The following ASB2 variants were observed in gnomAD, a reference collection of about 807,000 sequenced individuals.
ASB2 encodes the protein ankyrin repeat and SOCS box containing 2, also known as ankyrin repeat and SOCS box protein 2.
In ASB2, 58 loss-of-function variants were observed where a neutral mutation model predicts 62.4. The ratio of observed to expected loss-of-function variants is 0.93; its 90% CI spans 0.75 to 1.16. The LOEUF is 1.16. Among genes scored for constraint, ASB2 ranks in the 50% most tolerant of loss-of-function variants. The pLI is 0.00. For missense variants in ASB2, 928 were observed against 887.9 expected, an observed-to-expected ratio of 1.05 and a Z score of -0.57; for synonymous variants, 386 against 385.3, an observed-to-expected ratio of 1.00 and a Z score of -0.02.
intron 8 of ASB2, among the ~76,000 whole-genome samples, chr14:93,938,081 T>C (rs1888338791): frequency 6.6e-6 from 1 of 152,104 alleles, no homozygotes; most frequent in Non-Finnish European, 1.5e-5. Flanking sequence ...AAAATAGGTA[T>C]ATGAAACCAA....
chr14:93,941,951 G>T (rs1048199561), intron 7 of ASB2, among the ~76,000 whole-genome samples: 1 of 152,246 alleles, frequency 6.6e-6, no homozygotes, highest in Admixed American at 6.5e-5. Flanking sequence ...CTGAAGCCCA[G>T]GCTTGGGGTG....
At chr14:93,972,377 C>T (rs1889781515) in intron 1 of ASB2, among the ~76,000 whole-genome samples, 1 of 152,164 alleles carries the variant, frequency 6.6e-6, no homozygotes. Context: ...GTTCTCTTCC[C>T]TTCCCGGGTC....
intron 2 of ASB2, chr14:93,957,456 G>A (rs756902599): frequency 2.4e-4 from 225 of 939,266 alleles, no homozygotes; most frequent in Non-Finnish European, 2.7e-4. Context: ...GAGGAAGGGC[G>A]TCGGAACCAG....
chr14:93,957,079 G>A, intron 2 of ASB2: 1 of 1,444,690 alleles, frequency 6.9e-7, no homozygotes, highest in Non-Finnish European at 9.1e-7. Context: ...CTTGGAGGAA[G>A]CCCTGGGAGA....
At chr14:93,944,856 G>T (rs796743464) in intron 7 of ASB2, among the ~76,000 whole-genome samples, 2 of 152,180 alleles carry the variant, frequency 1.3e-5, no homozygotes, top group South Asian at 4.1e-4. Flanking sequence ...CTGATCATCC[G>T]CAAGGCCACC....
intron 6 of ASB2, 139 bp from the exon 7 acceptor site, chr14:93,947,659 G>A (rs1324299086): frequency 8.6e-6 from 7 of 810,286 alleles, no homozygotes; most frequent in Middle Eastern, 3.2e-4. Flanking sequence ...TAGGAAGGAG[G>A]AGTCTACCTG....
In ASB2 at chr14:93,939,626, G is replaced by A. The variant is rs868305227; in HGVS notation, c.1099C>T (p.Arg367Cys). ...LPVTSRTRIR[R>C]SGVSPLHLAA... ...AGGTGCAGCGGACTGACGCCGCTAC[G>A]GCGTATGCGCGTGCGGCTGGTCACC... The change falls in exon 8 of 10, where the codon CGT (arginine) becomes TGT (cysteine). Residue 367 changes from arginine (R) to cysteine (C), a missense_variant. Transcript: ENST00000555019. The A allele has an allele frequency of 1.3e-6, 2 of 1,535,394 alleles. No individual in the cohort carries two copies. The highest frequency in any genetic ancestry group is 4.0e-5 in the Admixed American group (2 of 50,138).
At chr14:93,965,419 C>T (rs903975997) in intron 1 of ASB2, among the ~76,000 whole-genome samples, 2 of 152,232 alleles carry the variant, frequency 1.3e-5, no homozygotes, top group Non-Finnish European at 2.9e-5. Context: ...ATGAATCAGA[C>T]ACAGACCCAT....
At chr14:93,972,834 G>T (rs1889798745) in intron 1 of ASB2, among the ~76,000 whole-genome samples, 1 of 152,206 alleles carries the variant, frequency 6.6e-6, no homozygotes, top group Non-Finnish European at 1.5e-5. Context: ...CTGCCCTGGG[G>T]CCTGGTGTCT....
intron 7 of ASB2, among the ~76,000 whole-genome samples, chr14:93,944,851 C>T (rs1449110832): frequency 6.6e-6 from 1 of 152,244 alleles, no homozygotes; most frequent in Non-Finnish European, 1.5e-5. Context: ...ACTCTCTGAT[C>T]ATCCGCAAGG....
At position 93,939,135 on chromosome 14, in the gene ASB2, C is replaced by T. The variant is rs766564131; in HGVS notation, c.1590G>A (p.Ala530=). The change falls in exon 8 of 10, where the codon GCG becomes GCA. Residue 530 remains alanine (A), a synonymous_variant. Coordinates refer to ENST00000555019, the MANE Select transcript of ASB2 (RefSeq NM_001202429.2). ...GCACCACGCTGGGCTCCTTGTCGGC[C>T]GCGGGCGCGTCGTTGAACCTGCTGG... is the stretch of plus-strand genomic sequence containing the variant. ...QPSSRFNDAP[A]ADKEPSVVQF... The T allele has an allele frequency of 6.5e-7, 1 of 1,544,306 alleles. No homozygotes were observed. The highest frequency in any genetic ancestry group is 8.8e-7 in the Non-Finnish European group (1 of 1,141,606).
chr14:93,974,984 C>A (rs1451299570), intron 1 of ASB2, among the ~76,000 whole-genome samples: 1 of 152,238 alleles, frequency 6.6e-6, no homozygotes, highest in Non-Finnish European at 1.5e-5. Flanking sequence ...AGCATGGCAC[C>A]CAGCGGAGCT....
At position 93,934,277 on chromosome 14, in the gene ASB2, T is replaced by C; in HGVS notation, c.*379A>G. ...TCATCTTAGTCTTTGGAGAGAAAGCTCTGAAGTCAAGTGGTGAGTTTTCCA... is the reference window on the plus strand; with the variant it reads ...TCATCTTAGTCTTTGGAGAGAAAGCCCTGAAGTCAAGTGGTGAGTTTTCCA... On this transcript the variant is annotated 3_prime_UTR_variant, in exon 10 of 10. Coordinates refer to ENST00000555019, the MANE Select transcript of ASB2 (RefSeq NM_001202429.2). The C allele has an allele frequency of 2.2e-6, 1 of 460,130 alleles. No individual in the cohort carries two copies. Among genetic ancestry groups the C allele is most frequent in the Admixed American group, 2.4e-5 (1 of 41,436 alleles). The allele number at this position is 460,130 out of a possible 1,614,324, so 28.5% of individuals were successfully genotyped here.
chr14:93,938,385 G>A (rs2141269400), intron 8 of ASB2, among the ~76,000 whole-genome samples: 1 of 151,966 alleles, frequency 6.6e-6, no homozygotes, highest in Admixed American at 6.5e-5. Flanking sequence ...GACTACAGGC[G>A]CCGGCCACCA....
chr14:93,954,005 T>C lies in ASB2; in HGVS notation c.478+312A>G, dbSNP rs77241589. Among the ~76,000 whole-genome samples the C allele has an allele frequency of 6.9e-3, 1,054 of 152,220 alleles. 16 individuals are homozygous for C. The highest frequency in any genetic ancestry group is 0.024 in the African/African-American group (1,007 of 41,542). On this transcript the variant is annotated intron_variant, in intron 4 of 9. Coordinates refer to ENST00000555019, the MANE Select transcript of ASB2 (RefSeq NM_001202429.2). ...CGGGCACAGGCACAGCTGCAGTATT[T>C]TTCACACCAAATCAGCCCCTGGGAC...
At position 93,947,349 on chromosome 14, in the gene ASB2, C is replaced by G; in HGVS notation, c.1052G>C (p.Arg351Thr). The G allele has an allele frequency of 6.2e-7, 1 of 1,614,046 alleles. No homozygotes were observed. The highest frequency in any genetic ancestry group is 8.5e-7 in the Non-Finnish European group (1 of 1,180,020). The change falls in exon 7 of 10, where the codon AGG becomes ACG. Residue 351 changes from arginine to threonine, a missense_variant and splice_region_variant. Physicochemically the swap from Arg to Thr is moderately conservative, Grantham distance 71 (BLOSUM62 -1). Transcript: ENST00000555019. ...GGGTGCTGGCGGAGCCTGGGCTGAC[C>G]TGTAGTTGCCCTTCTTGGAGGCGAT... ...LHIASKKGNY[R>T]IVQMLLPVTS...
rs55731345 is a variant in ASB2 at position 93,935,423 on chromosome 14, G to GTCATTCATTCAT, written c.1772-643_1772-632dup. Among the ~76,000 whole-genome samples, 1,300 of 150,960 alleles carry GTCATTCATTCAT rather than the reference G, an allele frequency of 8.6e-3. 10 individuals carry two copies. The highest frequency in any genetic ancestry group is 0.065 in the Middle Eastern group (19 of 292). On this transcript the variant is annotated intron_variant, in intron 9 of 9. Coordinates refer to ENST00000555019, the MANE Select transcript of ASB2 (RefSeq NM_001202429.2). Reference sequence around the variant, plus strand: ...TAAAGGGCTTGTAGAATCACAGAATGTCATTCATTCATTCATTCATTCATT... The same window carrying GTCATTCATTCAT: ...TAAAGGGCTTGTAGAATCACAGAATGTCATTCATTCATTCATTCATTCATTCATTCATTCATT...
intron 9 of ASB2, among the ~76,000 whole-genome samples, chr14:93,935,737 C>G (rs1438160019): frequency 1.3e-5 from 2 of 152,180 alleles, no homozygotes; most frequent in Non-Finnish European, 2.9e-5. Context: ...CGTTGCCTAG[C>G]GAAGCATTCA....
intron 1 of ASB2, among the ~76,000 whole-genome samples, chr14:93,973,574 G>T (rs1889823010): frequency 6.6e-6 from 1 of 152,204 alleles, no homozygotes; most frequent in Admixed American, 6.5e-5. Context: ...ACCCACAAAA[G>T]TCAAGCTTCC....
Sources: allele counts gnomAD v4.1 joint callset (sites outside exome capture counted in the v4.1 genomes callset), GRCh38; gene constraint gnomAD v4.1.1; transcripts MANE v1.5; gene names NCBI Gene and HGNC (gene_info 2026-07-23, HGNC 2026-07-21).